Variants in PIGN observed in about 807,000 individuals in gnomAD.
PIGN encodes phosphatidylinositol glycan anchor biosynthesis class N.
A neutral mutation model predicts 125.4 loss-of-function variants in PIGN; 117 were observed. The observed-to-expected ratio is 0.93, with a 90% CI of 0.80 to 1.09. PIGN has a LOEUF of 1.09. PIGN is among the 50% of genes least tolerant of loss of function. The pLI, the probability that PIGN is intolerant of heterozygous loss-of-function variation, is 0.00. For missense variants in PIGN, 1,075 were observed against 1,094.9 expected (o/e 0.98, Z 0.26); for synonymous variants, 392 against 377.8 (o/e 1.04, Z -0.44).
chr18:62,151,892 C>T (rs1273119559), intron 7 of PIGN, among the ~76,000 whole-genome samples: 7 of 152,118 alleles, frequency 4.6e-5, no homozygotes, highest in Admixed American at 4.6e-4. Flanking sequence ...CTACTGTCAA[C>T]GAAGAGTCAC....
rs1568177220 is a variant in PIGN at position 62,102,822 on chromosome 18, T to C, written c.1940A>G (p.Lys647Arg). Residue 647 changes from lysine to arginine, a missense_variant, in exon 21 of 31, where the codon AAG (lysine) becomes AGG (arginine). Lys to Arg is a conservative substitution (Grantham distance 26). Around this residue, in one of 3 missense-constraint regions of PIGN, gnomAD observed 915 missense variants for 908.7 expected, o/e 1.01. Transcript: ENST00000640252. ...SLMKRKDSFI[K>R]EELLVHLLQV... ...TAACAGATGTACCAATAGCTCTTCC[T>C]TTATAAAGCTATCTTTTCTTTTCAT... 6.4e-7 allele frequency: 1 copy of C among 1,564,012 alleles called. No individual in the cohort carries two copies. Among genetic ancestry groups the C allele is most frequent in the Non-Finnish European group, 8.7e-7 (1 of 1,149,150 alleles).
chr18:62,026,717 A>T (rs2030123885), intron 23 of PIGN, among the ~76,000 whole-genome samples: 1 of 152,142 alleles, frequency 6.6e-6, no homozygotes. Context: ...TGCTACTGCC[A>T]CTCTTGTCAA....
intron 14 of PIGN, chr18:62,137,299 C>T: frequency 2.4e-6 from 1 of 412,448 alleles, no homozygotes; most frequent in Non-Finnish European, 4.3e-6. Context: ...AGACTGAAGG[C>T]TATACTGTCA....
At chr18:62,145,021 G>A (rs1463416075) in intron 10 of PIGN, among the ~76,000 whole-genome samples, 3 of 142,840 alleles carry the variant, frequency 2.1e-5, no homozygotes, top group African/African-American at 2.5e-5. Context: ...GGGGGGGGGG[G>A]CAGGGTGGAG....
chr18:62,083,476 C>T (rs1049361367), intron 27 of PIGN, among the ~76,000 whole-genome samples: 1 of 152,038 alleles, frequency 6.6e-6, no homozygotes, highest in Non-Finnish European at 1.5e-5. Flanking sequence ...AAGTGAAGGA[C>T]ATATGAATAA....
chr18:62,178,125 C>A (rs2037590390), intron 1 of PIGN, among the ~76,000 whole-genome samples: 1 of 152,032 alleles, frequency 6.6e-6, no homozygotes, highest in African/African-American at 2.4e-5. Context: ...AGAACAAAGT[C>A]CATACTAAAT....
intron 11 of PIGN, among the ~76,000 whole-genome samples, chr18:62,141,964 T>C (rs1448653654): frequency 6.6e-6 from 1 of 152,228 alleles, no homozygotes; most frequent in Non-Finnish European, 1.5e-5. Flanking sequence ...GGCCTGCTAA[T>C]TCCTGCTTAT....
At chr18:62,119,390 CAG>C (rs141097714) in intron 14 of PIGN, among the ~76,000 whole-genome samples, 3,363 of 152,104 alleles carry the variant, frequency 0.022, 103 homozygotes, top group African/African-American at 0.058. Context: ...GAAGACAAGA[CAG>C]AAAGTTGTAA....
At chr18:62,076,348 A>AT (rs1039582502) in intron 28 of PIGN, among the ~76,000 whole-genome samples, 2 of 152,166 alleles carry the variant, frequency 1.3e-5, no homozygotes, top group East Asian at 1.9e-4. Context: ...TAATTAAATT[A>AT]TTTTTTTACT....
chr18:62,143,842 G>A (rs2036223307), intron 10 of PIGN, among the ~76,000 whole-genome samples: 1 of 152,100 alleles, frequency 6.6e-6, no homozygotes, highest in Non-Finnish European at 1.5e-5. Flanking sequence ...AGTATATTGA[G>A]TTATTATTAA....
chr18:62,089,083 A>T (rs1410176987), intron 24 of PIGN, among the ~76,000 whole-genome samples: 1 of 152,174 alleles, frequency 6.6e-6, no homozygotes, highest in African/African-American at 2.4e-5. Flanking sequence ...GTGTTGCTAT[A>T]TGTGTAATAA....
At chr18:62,151,792 C>A (rs1221226096) in intron 7 of PIGN, among the ~76,000 whole-genome samples, 1 of 152,210 alleles carries the variant, frequency 6.6e-6, no homozygotes, top group African/African-American at 2.4e-5. Context: ...ATTGAGGTTG[C>A]TGCAGATCCT....
intron 17 of PIGN, among the ~76,000 whole-genome samples, chr18:62,109,158 C>T (rs1477813161): frequency 6.6e-6 from 1 of 152,108 alleles, no homozygotes; most frequent in African/African-American, 2.4e-5. Context: ...AACATGACTC[C>T]AGCTGCCAGT....
At chr18:62,066,736 C>A (rs78516766) in intron 30 of PIGN, among the ~76,000 whole-genome samples, 1 of 152,198 alleles carries the variant, frequency 6.6e-6, no homozygotes, top group Admixed American at 6.5e-5. Context: ...CTACTCTGCT[C>A]TGGGAATGAG....
chr18:62,101,229 A>G (rs1461401147), intron 21 of PIGN, 46 bp from the exon 22 acceptor site: 1 of 1,053,198 alleles, frequency 9.5e-7, no homozygotes, highest in African/African-American at 1.5e-5. Flanking sequence ...AGGTAGTGAA[A>G]GACTCTAACT....
In PIGN at chr18:62,140,459, C is replaced by T. The variant is rs779323515; in HGVS notation, c.984G>A (p.Met328Ile). 2 of 1,556,094 alleles carry T rather than the reference C, an allele frequency of 1.3e-6. No individual in the cohort carries two copies. The highest frequency in any genetic ancestry group is 1.8e-6 in the Non-Finnish European group (2 of 1,138,188). ...GAAAGGGAACTCCAATAAGGGAAGTCATCAATGGTGCAATATCAGCCTACA... is the reference window on the plus strand; with the variant it reads ...GAAAGGGAACTCCAATAAGGGAAGTTATCAATGGTGCAATATCAGCCTACA... ...DVNQADIAPLMTSLIGVPFPL... is the reference protein window; with the variant it reads ...DVNQADIAPLITSLIGVPFPL... Residue 328 changes from methionine to isoleucine, a missense_variant, in exon 12 of 31, where the codon ATG (methionine) becomes ATA (isoleucine). Around this residue, in one of 3 missense-constraint regions of PIGN, gnomAD observed 915 missense variants for 908.7 expected, o/e 1.01. Coordinates refer to ENST00000640252, the MANE Select transcript of PIGN (RefSeq NM_176787.5).
intron 24 of PIGN, among the ~76,000 whole-genome samples, chr18:62,090,234 G>C (rs908137235): frequency 1.3e-5 from 2 of 152,040 alleles, no homozygotes; most frequent in African/African-American, 4.8e-5. Context: ...TTAAATCAAT[G>C]ATCCTCAAGT....
intron 6 of PIGN, among the ~76,000 whole-genome samples, 164 bp downstream of exon 6, chr18:62,156,965 A>AG (rs780491429): frequency 2.6e-5 from 4 of 152,296 alleles, no homozygotes; most frequent in Non-Finnish European, 5.9e-5. Flanking sequence ...ATAACTAAGA[A>AG]GGAAAAAAAA....
chr18:62,054,122 T>C (rs545314879), intron 30 of PIGN, among the ~76,000 whole-genome samples: 4 of 152,186 alleles, frequency 2.6e-5, no homozygotes, highest in African/African-American at 4.8e-5. Context: ...AGCAGACCCA[T>C]GCAAATCTGC....
Sources: gnomAD v4.1 joint callset for allele counts (sites outside exome capture counted in the v4.1 genomes callset) on GRCh38, gnomAD v4.1.1 for gene constraint, gnomAD v4.1.1 regional missense constraint, MANE v1.5 for transcripts, NCBI Gene and HGNC (gene_info 2026-07-23, HGNC 2026-07-21) for gene names.